Variants in IL1RAPL1 observed in about 807,000 individuals in gnomAD.
IL1RAPL1 encodes interleukin-1 receptor accessory protein-like 1.
A neutral mutation model predicts 48.4 loss-of-function variants in IL1RAPL1; 3 were observed. The observed-to-expected ratio is 0.06, with a 90% CI of 0.03 to 0.16. IL1RAPL1 has a LOEUF of 0.16. IL1RAPL1 is among the 10% of genes least tolerant of loss of function. IL1RAPL1 has a pLI of 1.00. For synonymous variants in IL1RAPL1, 185 were observed against 187.7 expected, an observed-to-expected ratio of 0.99 and a Z score of 0.12; for missense variants, 349 against 530.6, an observed-to-expected ratio of 0.66 and a Z score of 3.36.
chrX:28,969,034 T>G (rs1040872253), intron 2 of IL1RAPL1, among the ~76,000 whole-genome samples: 1 of 112,488 alleles, frequency 8.9e-6, no homozygotes, highest in African/African-American at 3.2e-5. Context: ...CATTCAGCCC[T>G]CATTCTTTGA....
At chrX:28,737,953 G>A (rs1038668193) in intron 1 of IL1RAPL1, among the ~76,000 whole-genome samples, 5 of 109,797 alleles carry the variant, frequency 4.6e-5, no homozygotes, top group Non-Finnish European at 9.5e-5. Flanking sequence ...TAAAAAATAT[G>A]TAATGTAGAA....
intron 6 of IL1RAPL1, among the ~76,000 whole-genome samples, chrX:29,704,679 GA>G (rs1192538464): frequency 9.1e-6 from 1 of 109,854 alleles, no homozygotes; most frequent in Non-Finnish European, 1.9e-5. Context: ...AAAAGGAAAA[GA>G]AAAAAAAGAA....
intron 4 of IL1RAPL1, among the ~76,000 whole-genome samples, chrX:29,397,190 A>G (rs1827326264): frequency 8.9e-6 from 1 of 112,163 alleles, no homozygotes; most frequent in Non-Finnish European, 1.9e-5. Context: ...AATATTTTAT[A>G]CATAGTTTAA....
chrX:29,826,759 A>G (rs763222877), intron 6 of IL1RAPL1, among the ~76,000 whole-genome samples: 9 of 112,204 alleles, frequency 8.0e-5, no homozygotes, highest in Non-Finnish European at 1.7e-4. Flanking sequence ...GTATGGATAT[A>G]CTACATTTTG....
intron 2 of IL1RAPL1, among the ~76,000 whole-genome samples, chrX:29,031,346 A>G (rs928022184): frequency 3.6e-5 from 4 of 112,190 alleles, no homozygotes; most frequent in Admixed American, 1.9e-4. Context: ...AAAAGCTACC[A>G]TAACAGGCCT....
chrX:28,822,470 C>G (rs1284518236), intron 2 of IL1RAPL1, among the ~76,000 whole-genome samples: 1 of 111,961 alleles, frequency 8.9e-6, no homozygotes, highest in Non-Finnish European at 1.9e-5. Flanking sequence ...GTTAGACTAT[C>G]AGATACAAGG....
intron 6 of IL1RAPL1, among the ~76,000 whole-genome samples, chrX:29,736,585 G>A (rs773153694): frequency 6.5e-4 from 73 of 111,508 alleles, no homozygotes; most frequent in African/African-American, 2.3e-3. Context: ...AATTAGCCGG[G>A]CGTTGTGGTG....
At chrX:28,994,076 A>T (rs1437305084) in intron 2 of IL1RAPL1, among the ~76,000 whole-genome samples, 1 of 111,059 alleles carries the variant, frequency 9.0e-6, no homozygotes, top group Non-Finnish European at 1.9e-5. Flanking sequence ...TAAGAAAAAA[A>T]AAAGTATGAT....
chrX:29,762,732 C>G (rs146717207), intron 6 of IL1RAPL1, among the ~76,000 whole-genome samples: 1 of 111,763 alleles, frequency 8.9e-6, no homozygotes, highest in Non-Finnish European at 1.9e-5. Context: ...GCAACTGATG[C>G]GAATTTTGCT....
intron 1 of IL1RAPL1, among the ~76,000 whole-genome samples, chrX:28,690,264 C>A (rs112273121): frequency 0.016 from 1,768 of 111,775 alleles, 41 homozygotes; most frequent in African/African-American, 0.054. Flanking sequence ...GTCTGTTAAT[C>A]GTACTTTCTC....
chrX:28,617,766 A>C (rs1356500355), intron 1 of IL1RAPL1, among the ~76,000 whole-genome samples: 3 of 112,583 alleles, frequency 2.7e-5, no homozygotes, highest in African/African-American at 9.7e-5. Context: ...GGAATTTCAT[A>C]TGTTGATAGA....
intron 2 of IL1RAPL1, among the ~76,000 whole-genome samples, chrX:29,182,113 C>T (rs752176559): frequency 6.5e-5 from 7 of 108,160 alleles, no homozygotes; most frequent in Non-Finnish European, 1.3e-4. Context: ...TGCCCCCCCC[C>T]ACCCCATGCC....
At chrX:29,802,763 A>ATATATATG (rs1929948481) in intron 6 of IL1RAPL1, among the ~76,000 whole-genome samples, 3 of 23,881 alleles carry the variant, frequency 1.3e-4, no homozygotes, top group African/African-American at 4.7e-4. Flanking sequence ...ATATATATAT[A>ATATATATG]TATATATATA....
intron 6 of IL1RAPL1, among the ~76,000 whole-genome samples, chrX:29,781,581 TTATAA>T (rs771877262): frequency 6.1e-4 from 69 of 112,270 alleles, no homozygotes; most frequent in Non-Finnish European, 1.0e-3. Flanking sequence ...TAAATAGTTG[TTATAA>T]TATAGTATGC....
chrX:28,643,144 C>G (rs922974182), intron 1 of IL1RAPL1, among the ~76,000 whole-genome samples: 4 of 111,553 alleles, frequency 3.6e-5, no homozygotes, highest in African/African-American at 1.3e-4. Flanking sequence ...CCGCCTTGGC[C>G]TCCCAAAATG....
chrX:28,829,893 G>C (rs1406635507), intron 2 of IL1RAPL1, among the ~76,000 whole-genome samples: 2 of 110,637 alleles, frequency 1.8e-5, no homozygotes, highest in Admixed American at 1.9e-4. Context: ...CATCTTTTGA[G>C]ATGGTCATGT....
chrX:29,087,438 C>T (rs954614569), intron 2 of IL1RAPL1, among the ~76,000 whole-genome samples: 2 of 110,099 alleles, frequency 1.8e-5, no homozygotes, highest in Non-Finnish European at 3.8e-5. Context: ...GCCTGGCCAG[C>T]CAGAGGACAT....
intron 5 of IL1RAPL1, among the ~76,000 whole-genome samples, chrX:29,439,851 G>GTTTTTTTTTTTTTTTTTTTT (rs760458968): frequency 1.7e-5 from 1 of 59,856 alleles, no homozygotes; most frequent in Non-Finnish European, 2.9e-5. Context: ...TGTTTGTTTG[G>GTTTTTTTTTTTTTTTTTTTT]TTTTTTTTTT....
intron 9 of IL1RAPL1, among the ~76,000 whole-genome samples, chrX:29,950,684 T>C (rs7050843): frequency 5.7e-5 from 6 of 105,508 alleles, no homozygotes; most frequent in African/African-American, 2.1e-4. Context: ...TTTTTTTTTT[T>C]CTTTTTTTTT....
Sources: allele counts gnomAD v4.1 joint callset (sites outside exome capture counted in the v4.1 genomes callset), GRCh38; gene constraint gnomAD v4.1.1; transcripts MANE v1.5; gene names NCBI Gene and HGNC (gene_info 2026-07-23, HGNC 2026-07-21).